The following GRM5 variants were observed in gnomAD, a reference collection of about 807,000 sequenced individuals.
The protein encoded by GRM5 is metabotropic glutamate receptor 5.
In GRM5, 19 loss-of-function variants were observed where a neutral mutation model predicts 83.1. The ratio of observed to expected loss-of-function variants is 0.23; its 90% CI spans 0.16 to 0.34. GRM5 has a LOEUF of 0.34. GRM5 is among the 10% of genes least tolerant of loss of function. The pLI, the probability that GRM5 is intolerant of heterozygous loss-of-function variation, is 1.00. For synonymous variants in GRM5, 675 were observed against 633.6 expected (o/e 1.07, Z -0.98); for missense variants, 1,160 against 1,588.3 (o/e 0.73, Z 4.58).
intron 3 of GRM5, among the ~76,000 whole-genome samples, chr11:88,712,818 A>C (rs574212367): frequency 6.6e-6 from 1 of 152,230 alleles, no homozygotes; most frequent in East Asian, 1.9e-4. Context: ...CATTAGAATC[A>C]GATGCAATTT....
At chr11:88,897,003 C>T (rs1196472970) in intron 2 of GRM5, among the ~76,000 whole-genome samples, 2 of 151,792 alleles carry the variant, frequency 1.3e-5, no homozygotes, top group South Asian at 2.1e-4. Context: ...CATCACAGAC[C>T]CTGAACTCCA....
At chr11:88,995,106 T>G (rs1320259025) in intron 2 of GRM5, among the ~76,000 whole-genome samples, 1 of 152,132 alleles carries the variant, frequency 6.6e-6, no homozygotes, top group African/African-American at 2.4e-5. Context: ...AGAACAATGA[T>G]GATACTGAAA....
At chr11:88,582,255 A>T (rs1007987687) in intron 7 of GRM5, among the ~76,000 whole-genome samples, 1 of 152,188 alleles carries the variant, frequency 6.6e-6, no homozygotes, top group African/African-American at 2.4e-5. Context: ...GTTTGGCACT[A>T]GTTGGAACTC....
rs762865983 is a variant in GRM5, at chr11:89,052,681, A to G, written c.-200-4609T>C. 5.3e-4 allele frequency among the ~76,000 whole-genome samples: 81 copies of G among 152,262 alleles called. No individual in the cohort carries two copies. In the Middle Eastern group the frequency reaches 0.024, roughly 45 times the overall value. On this transcript the variant is annotated intron_variant, in intron 1 of 9. Coordinates refer to ENST00000305447, the MANE Select transcript of GRM5 (RefSeq NM_001143831.3). ...CAAAATGCTTAGGACCAAAATTCAG[A>G]TACAGAATCTTTCAGATTTTGGAAT... is the stretch of plus-strand genomic sequence containing the variant.
At chr11:88,647,765 G>GCTAA (rs1458614042) in intron 4 of GRM5, among the ~76,000 whole-genome samples, 1 of 152,102 alleles carries the variant, frequency 6.6e-6, no homozygotes, top group Non-Finnish European at 1.5e-5. Context: ...CTGACAAAGG[G>GCTAA]CTAATATCCA....
intron 2 of GRM5, among the ~76,000 whole-genome samples, chr11:88,903,309 T>G (rs1565285137): frequency 1.3e-5 from 2 of 152,156 alleles, no homozygotes; most frequent in African/African-American, 4.8e-5. Flanking sequence ...ATTTTTAAAC[T>G]AGTACAACTG....
At chr11:88,680,573 G>A (rs770607280) in intron 3 of GRM5, among the ~76,000 whole-genome samples, 8 of 152,120 alleles carry the variant, frequency 5.3e-5, no homozygotes, top group African/African-American at 1.7e-4. Flanking sequence ...ACAGTGTGGC[G>A]ATCCCTCAGG....
intron 7 of GRM5, among the ~76,000 whole-genome samples, chr11:88,573,188 C>A (rs190860800): frequency 4.0e-4 from 61 of 152,094 alleles, no homozygotes; most frequent in African/African-American, 1.4e-3. Flanking sequence ...ACAAGTTTTT[C>A]TTTTTTTAAA....
In GRM5 at chr11:88,508,676, G is replaced by A. The variant is rs763820812; in HGVS notation, c.3555C>T (p.Ser1185=). The stretch of plus-strand genomic sequence containing the variant: ...ACGACGGGATACAGAGGGCCGACTC[G>A]GACACTGGCGAGTTGGGGGTTGTGC... ...SGSTTPNSPV[S]ESALCIPSSP... Residue 1185 remains serine, a synonymous_variant, in exon 10 of 10, where the codon TCC becomes TCT. Coordinates refer to ENST00000305447, the MANE Select transcript of GRM5 (RefSeq NM_001143831.3). The surrounding 1 kb of genome is among the most constrained non-coding windows in gnomAD (Gnocchi z 4.2). 1.9e-6 allele frequency: 3 copies of A among 1,608,230 alleles called. No homozygotes were observed. The highest frequency in any genetic ancestry group is 1.1e-5 in the South Asian group (1 of 91,002).
rs755716512 is a variant in GRM5 at position 88,849,898 on chromosome 11, T to C, written c.911+8A>G. 4 of 1,613,614 alleles carry C rather than the reference T, an allele frequency of 2.5e-6. No individual in the cohort carries two copies. The highest frequency in any genetic ancestry group is 2.7e-5 in the African/African-American group (2 of 75,004). ...TAACTCCATGTAAATTTTCTTATTA[T>C]CACTCACCTGCCCAGAAGCAGAAAT... On this transcript the variant is annotated splice_region_variant and intron_variant, in intron 3 of 9. Coordinates refer to ENST00000305447, the MANE Select transcript of GRM5 (RefSeq NM_001143831.3).
chr11:88,935,248 G>C (rs1764476289), intron 2 of GRM5, among the ~76,000 whole-genome samples: 1 of 151,798 alleles, frequency 6.6e-6, no homozygotes, highest in Non-Finnish European at 1.5e-5. Context: ...TCAATTTTCA[G>C]GTTAGAAAGT....
chr11:88,894,353 T>G (rs1945195993), intron 2 of GRM5, among the ~76,000 whole-genome samples: 1 of 152,016 alleles, frequency 6.6e-6, no homozygotes, highest in Non-Finnish European at 1.5e-5. Flanking sequence ...AGAAAGCTGT[T>G]TATCTTTCTC....
intron 2 of GRM5, among the ~76,000 whole-genome samples, chr11:88,961,081 T>C (rs1938769223): frequency 6.6e-6 from 1 of 152,192 alleles, no homozygotes; most frequent in South Asian, 2.1e-4. Flanking sequence ...TCACTGGCTC[T>C]TTAATTTATA....
chr11:88,531,870 G>A (rs560272516), intron 8 of GRM5, among the ~76,000 whole-genome samples: 6 of 152,014 alleles, frequency 3.9e-5, no homozygotes, highest in East Asian at 3.9e-4. Flanking sequence ...ACTATGGCCC[G>A]TAGTCTTCCC....
At chr11:89,062,872 C>T (rs1267912267) in intron 1 of GRM5, among the ~76,000 whole-genome samples, 1 of 152,268 alleles carries the variant, frequency 6.6e-6, no homozygotes, top group Non-Finnish European at 1.5e-5. Flanking sequence ...GGGCTTCCTC[C>T]TTGGCATGCC....
chr11:88,764,818 T>C (rs1003753687), intron 3 of GRM5, among the ~76,000 whole-genome samples: 1 of 151,128 alleles, frequency 6.6e-6, no homozygotes, highest in Non-Finnish European at 1.5e-5. Flanking sequence ...AACCCAAAGA[T>C]AGAAGAAGGA....
At chr11:88,657,013 G>C (rs1939781631) in intron 3 of GRM5, among the ~76,000 whole-genome samples, 1 of 152,186 alleles carries the variant, frequency 6.6e-6, no homozygotes, top group Admixed American at 6.5e-5. Flanking sequence ...CAAGGGACTA[G>C]GGATAACTGT....
At chr11:88,531,491 T>G (rs1339585172) in intron 8 of GRM5, among the ~76,000 whole-genome samples, 1 of 152,158 alleles carries the variant, frequency 6.6e-6, no homozygotes, top group Non-Finnish European at 1.5e-5. Flanking sequence ...TCTTTCCTCA[T>G]TTTTCTCTGA....
intron 2 of GRM5, among the ~76,000 whole-genome samples, chr11:88,854,474 G>T (rs1944437737): frequency 6.6e-6 from 1 of 151,938 alleles, no homozygotes. Flanking sequence ...ACTGTTTAAA[G>T]CTAGTGCTTT....
Sources: allele counts gnomAD v4.1 joint callset (sites outside exome capture counted in the v4.1 genomes callset), GRCh38; gene constraint gnomAD v4.1.1; non-coding constraint Gnocchi (gnomAD v3.1); transcripts MANE v1.5; gene names NCBI Gene and HGNC (gene_info 2026-07-23, HGNC 2026-07-21).